GLI3: variants seen among roughly 807,000 people sequenced by gnomAD.
GLI3 encodes transcription activator GLI3.
GLI3 carries 20 observed loss-of-function variants against 100.8 expected under a neutral mutation model. The ratio of observed to expected loss-of-function variants is 0.20; its 90% confidence interval spans 0.14 to 0.29. The LOEUF is 0.29. Ranked by LOEUF, GLI3 falls within the 10% of genes least tolerant of loss-of-function variation. GLI3 has a pLI of 1.00. For missense variants in GLI3, 2,040 were observed against 2,128.5 expected, an observed-to-expected ratio of 0.96 and a Z score of 0.82; for synonymous variants, 938 against 860.5, an observed-to-expected ratio of 1.09 and a Z score of -1.58.
intron 7 of GLI3, among the ~76,000 whole-genome samples, chr7:42,037,070 G>A (rs1404723474): frequency 6.6e-6 from 1 of 152,184 alleles, no homozygotes; most frequent in Admixed American, 6.5e-5. Context: ...GAACCTGGCA[G>A]GCAGAGGTTA....
intron 3 of GLI3, among the ~76,000 whole-genome samples, chr7:42,106,971 T>A (rs904785598): frequency 6.6e-6 from 1 of 152,132 alleles, no homozygotes; most frequent in Non-Finnish European, 1.5e-5. Flanking sequence ...ATGTGGGAAC[T>A]ACTGATTTGT....
intron 2 of GLI3, among the ~76,000 whole-genome samples, chr7:42,169,233 GTTTA>G (rs1787311514): frequency 6.6e-6 from 1 of 152,112 alleles, no homozygotes; most frequent in Admixed American, 6.6e-5. Flanking sequence ...ACTTACAGCT[GTTTA>G]TTTTAGACAG....
chr7:42,230,456 T>G (rs1788676715), intron 1 of GLI3, among the ~76,000 whole-genome samples: 1 of 152,250 alleles, frequency 6.6e-6, no homozygotes, highest in South Asian at 2.1e-4. Flanking sequence ...ATTAAGTGAA[T>G]TTGGTTTTGG....
intron 2 of GLI3, among the ~76,000 whole-genome samples, chr7:42,219,098 A>G (rs750548263): frequency 2.6e-5 from 4 of 152,242 alleles, no homozygotes; most frequent in Non-Finnish European, 4.4e-5. Context: ...TTATTAAGGC[A>G]TTTTACTTAC....
intron 2 of GLI3, among the ~76,000 whole-genome samples, chr7:42,221,848 C>T (rs1353077151): frequency 6.6e-6 from 1 of 152,180 alleles, no homozygotes; most frequent in African/African-American, 2.4e-5. Context: ...AAGCTCCAGT[C>T]TTGACTTTAA....
At chr7:42,201,884 C>G (rs1293388901) in intron 2 of GLI3, among the ~76,000 whole-genome samples, 1 of 152,088 alleles carries the variant, frequency 6.6e-6, no homozygotes, top group Non-Finnish European at 1.5e-5. Flanking sequence ...GAGATCAAGA[C>G]CATCTTGGCC....
intron 10 of GLI3, among the ~76,000 whole-genome samples, chr7:41,980,342 G>A (rs937114740): frequency 1.3e-5 from 2 of 152,222 alleles, no homozygotes; most frequent in African/African-American, 4.8e-5. Flanking sequence ...AGGGGTCAAC[G>A]TTCAATCCGC....
rs141239446 is a variant in GLI3 at position 42,180,058 on chromosome 7, A to G, written c.125-31590T>C. Among the ~76,000 whole-genome samples the G allele has an allele frequency of 2.2e-3, 334 of 152,312 alleles. 6 individuals are homozygous for G. In the East Asian group the frequency reaches 0.029, roughly 13 times the overall value. On this transcript the variant is annotated intron_variant, in intron 2 of 14. Coordinates refer to ENST00000395925, the MANE Select transcript of GLI3 (RefSeq NM_000168.6). ...CTGCGAGCTCCCAAGGAATAAGTAC[A>G]GAGGGAGAAGAGGGCCCAGGTCTGA... is the stretch of plus-strand genomic sequence containing the variant.
intron 10 of GLI3, among the ~76,000 whole-genome samples, chr7:42,020,402 A>G (rs1362283788): frequency 3.3e-5 from 5 of 152,174 alleles, no homozygotes. Context: ...CCAGCACCCT[A>G]TTCCCCGGAA....
At chr7:42,215,547 G>C (rs760371475) in intron 2 of GLI3, among the ~76,000 whole-genome samples, 2 of 152,130 alleles carry the variant, frequency 1.3e-5, no homozygotes, top group Non-Finnish European at 2.9e-5. Flanking sequence ...GTTCTGAGCA[G>C]CTTGTTTCTG....
intron 10 of GLI3, among the ~76,000 whole-genome samples, chr7:42,009,477 GTTCTT>G (rs1788550688): frequency 3.1e-5 from 3 of 96,970 alleles, no homozygotes; most frequent in African/African-American, 1.3e-4. Context: ...CCAGCAAATT[GTTCTT>G]TTTTTTTTTT....
At chr7:41,992,221 G>GT (rs1788006590) in intron 10 of GLI3, among the ~76,000 whole-genome samples, 1 of 152,226 alleles carries the variant, frequency 6.6e-6, no homozygotes, top group African/African-American at 2.4e-5. Context: ...AGGATGAATA[G>GT]TAAGGGGCTA....
rs764864618 is a variant in GLI3, at chr7:42,182,644, GTATATATATATATATATATATATA to G, written c.125-34200_125-34177del. ...TTTATATGCATATGTATATGTGTGT[GTATATATATATATATATATATATA>G]TATATATATATATACACATGTGTGT... On this transcript the variant is annotated intron_variant, in intron 2 of 14. Transcript: ENST00000395925. 2.8e-3 allele frequency among the ~76,000 whole-genome samples: 147 copies of G among 51,674 alleles called. 2 individuals are homozygous for G. The South Asian group carries it at 0.055, about 19-fold the overall frequency. The allele number at this position is 51,674 out of a possible 152,430, so 33.9% of individuals were successfully genotyped here. A position where few individuals can be genotyped will look rare whatever the true frequency, so the allele number is the denominator to read the frequency against.
chr7:42,256,494 G>A (rs1422753610), intron 1 of GLI3, among the ~76,000 whole-genome samples: 2 of 152,150 alleles, frequency 1.3e-5, no homozygotes, highest in Non-Finnish European at 2.9e-5. Flanking sequence ...TTATCATTCT[G>A]TATGTGGATA....
chr7:41,979,318 T>C (rs531276160), intron 10 of GLI3, among the ~76,000 whole-genome samples: 4 of 152,334 alleles, frequency 2.6e-5, no homozygotes, highest in East Asian at 1.9e-4. Flanking sequence ...TGAATAAGAA[T>C]TGCAGAGAAA....
At chr7:42,238,229 C>G (rs532506623), upstream of GLI3, among the ~76,000 whole-genome samples, 16 of 152,108 alleles carry the variant, frequency 1.1e-4, no homozygotes, top group African/African-American at 3.1e-4. Flanking sequence ...CCCCCAAATG[C>G]GCGCCCTGGC....
chr7:42,164,573 G>A lies in GLI3; in HGVS notation c.125-16105C>T, dbSNP rs373679098. Among the ~76,000 whole-genome samples the A allele has an allele frequency of 1.8e-4, 27 of 152,242 alleles. No individual in the cohort carries two copies. The South Asian group carries it at 5.2e-3, about 29-fold the overall frequency. On this transcript the variant is annotated intron_variant, in intron 2 of 14. Coordinates refer to ENST00000395925, the MANE Select transcript of GLI3 (RefSeq NM_000168.6). ...TTGCCGAGCACGGTGGCTCACGCCT[G>A]TAATCCCAGCACTTTGGGAGGCCGA...
At chr7:42,106,424 C>A (rs1785576829) in intron 3 of GLI3, among the ~76,000 whole-genome samples, 1 of 152,180 alleles carries the variant, frequency 6.6e-6, no homozygotes. Flanking sequence ...GCAATAGGAA[C>A]CCTAGTCACA....
At chr7:42,248,769 AT>A (rs202217280) in intron 1 of GLI3, among the ~76,000 whole-genome samples, 79 of 151,944 alleles carry the variant, frequency 5.2e-4, no homozygotes, top group East Asian at 3.1e-3. Context: ...ATCCTCTTTT[AT>A]TTTTTTATTT....
Sources: gnomAD v4.1 joint callset for allele counts (sites outside exome capture counted in the v4.1 genomes callset) on GRCh38, gnomAD v4.1.1 for gene constraint, MANE v1.5 for transcripts, NCBI Gene and HGNC (gene_info 2026-07-23, HGNC 2026-07-21) for gene names.